The following KCNIP1 variants were observed in gnomAD, a reference collection of about 807,000 sequenced individuals.
KCNIP1 encodes potassium voltage-gated channel interacting protein 1, also known as A-type potassium channel modulatory protein KCNIP1.
Under a neutral mutation model 33.0 loss-of-function variants are expected in KCNIP1, and 18 were observed. The observed-to-expected ratio is 0.55, with a 90% CI of 0.38 to 0.81. The LOEUF (loss-of-function observed/expected upper bound fraction) is 0.81, where lower values mean the gene tolerates loss of function less well. KCNIP1 is among the 30% of genes least tolerant of loss of function. The probability of loss-of-function intolerance (pLI) is 0.00; values close to 1 mark genes in which losing one functional copy is unlikely to be tolerated. For missense variants in KCNIP1, 238 were observed against 271.6 expected, an observed-to-expected ratio of 0.88 and a Z score of 0.87; for synonymous variants, 93 against 98.3, an observed-to-expected ratio of 0.95 and a Z score of 0.32.
At chr5:170,462,772 T>C (rs1756534316) in intron 1 of KCNIP1, among the ~76,000 whole-genome samples, 1 of 152,124 alleles carries the variant, frequency 6.6e-6, no homozygotes, top group Non-Finnish European at 1.5e-5. Flanking sequence ...TATATATAAA[T>C]GGAATACTAC....
intron 1 of KCNIP1, among the ~76,000 whole-genome samples, chr5:170,459,093 A>C (rs1313910305): frequency 6.6e-6 from 1 of 152,208 alleles, no homozygotes; most frequent in Non-Finnish European, 1.5e-5. Context: ...AAAAAAGACA[A>C]AGAGGGACAT....
chr5:170,592,878 A>G (rs766985444), intron 1 of KCNIP1, among the ~76,000 whole-genome samples: 4 of 152,120 alleles, frequency 2.6e-5, no homozygotes, highest in Non-Finnish European at 5.9e-5. Context: ...CCATGCTTAT[A>G]AGCTCCGGAC....
At chr5:170,648,163 C>T (rs1760869138) in intron 1 of KCNIP1, among the ~76,000 whole-genome samples, 1 of 152,182 alleles carries the variant, frequency 6.6e-6, no homozygotes, top group Non-Finnish European at 1.5e-5. Context: ...CAGGAACTCT[C>T]ATCAGTGCTT....
At chr5:170,557,655 A>T (rs1756886571) in intron 1 of KCNIP1, among the ~76,000 whole-genome samples, 2 of 152,190 alleles carry the variant, frequency 1.3e-5, no homozygotes, top group Admixed American at 6.5e-5. Flanking sequence ...CATGACCATC[A>T]GGGAAGAGCA....
rs1160503704 is a variant in KCNIP1, at chr5:170,640,106, T to C, written c.62-78652T>C. Reference sequence around the variant, plus strand: ...AGTGGCAGTGGCTTCCAGAGAGACTTAGGAAGTAGAATCAACAGGACTTGG... The same window carrying C: ...AGTGGCAGTGGCTTCCAGAGAGACTCAGGAAGTAGAATCAACAGGACTTGG... On this transcript the variant is annotated intron_variant, in intron 1 of 7. Coordinates refer to ENST00000328939, the MANE Select transcript of KCNIP1 (RefSeq NM_014592.4). Among the ~76,000 whole-genome samples the C allele has an allele frequency of 2.0e-5, 3 of 152,204 alleles. No homozygotes were observed. The East Asian group carries it at 5.8e-4, about 29-fold the overall frequency.
At chr5:170,460,470 A>G (rs958424962) in intron 1 of KCNIP1, among the ~76,000 whole-genome samples, 14 of 152,222 alleles carry the variant, frequency 9.2e-5, no homozygotes, top group African/African-American at 2.9e-4. Flanking sequence ...ATCCAACAAC[A>G]TATCAAAAAG....
chr5:170,508,804 G>T (rs1754817091), intron 1 of KCNIP1, among the ~76,000 whole-genome samples: 1 of 152,108 alleles, frequency 6.6e-6, no homozygotes, highest in Non-Finnish European at 1.5e-5. Flanking sequence ...CCAAGCCCCA[G>T]AGAGAAGTGA....
intron 5 of KCNIP1, among the ~76,000 whole-genome samples, chr5:170,730,839 TAA>T (rs34072627): frequency 0.024 from 3,501 of 146,392 alleles, 55 homozygotes; most frequent in South Asian, 0.037. Flanking sequence ...TAAAAGTGCT[TAA>T]AAAAAAAAAA....
chr5:170,385,005 C>A (rs1764407111), intron 1 of KCNIP1, among the ~76,000 whole-genome samples: 3 of 152,218 alleles, frequency 2.0e-5, no homozygotes, highest in African/African-American at 7.2e-5. Flanking sequence ...CTCCTGGGAT[C>A]AAACTTGCAC....
intron 1 of KCNIP1, among the ~76,000 whole-genome samples, chr5:170,493,196 A>C (rs558719919): frequency 1.3e-5 from 2 of 152,068 alleles, no homozygotes; most frequent in Admixed American, 6.6e-5. Flanking sequence ...ACCAAATGCG[A>C]GCTCCCCCAT....
chr5:170,668,420 G>A (rs1262482558), intron 1 of KCNIP1, among the ~76,000 whole-genome samples: 1 of 152,210 alleles, frequency 6.6e-6, no homozygotes, highest in Non-Finnish European at 1.5e-5. Context: ...TATGACACAG[G>A]ACAGGTGGCT....
upstream of KCNIP1, among the ~76,000 whole-genome samples, chr5:170,503,499 C>T (rs909040972): frequency 1.5e-4 from 23 of 152,006 alleles, no homozygotes; most frequent in African/African-American, 5.6e-4. Context: ...TGGGCCCTGC[C>T]ATAGGAGGAT....
At chr5:170,722,580 C>A in intron 4 of KCNIP1, 133 bp from the exon 5 acceptor site, 1 of 708,992 alleles carries the variant, frequency 1.4e-6, no homozygotes, top group East Asian at 2.8e-5. Flanking sequence ...AGAGCATAGC[C>A]ACATCCTCCA....
chr5:170,410,276 T>C (rs1755148894), intron 1 of KCNIP1, among the ~76,000 whole-genome samples: 1 of 111,310 alleles, frequency 9.0e-6, no homozygotes, highest in Non-Finnish European at 1.9e-5. Flanking sequence ...GCAGACACAG[T>C]GAAGGTGTAC....
At chr5:170,583,896 T>C (rs1455532219) in intron 1 of KCNIP1, among the ~76,000 whole-genome samples, 1 of 152,230 alleles carries the variant, frequency 6.6e-6, no homozygotes, top group Non-Finnish European at 1.5e-5. Flanking sequence ...ATGGGGTTCA[T>C]GTGATACTTT....
At chr5:170,624,076 C>G (rs1051121107) in intron 1 of KCNIP1, among the ~76,000 whole-genome samples, 1 of 152,358 alleles carries the variant, frequency 6.6e-6, no homozygotes, top group East Asian at 1.9e-4. Context: ...TCTCAGCTCC[C>G]GGGCCCAGGT....
At chr5:170,524,799 G>C (rs1214524134) in intron 1 of KCNIP1, among the ~76,000 whole-genome samples, 1 of 152,172 alleles carries the variant, frequency 6.6e-6, no homozygotes, top group Non-Finnish European at 1.5e-5. Flanking sequence ...ACCCAGCCCA[G>C]TGTTCTTGGT....
rs529516562 is a variant in KCNIP1 at position 170,719,017 on chromosome 5, C to A, written c.186+135C>A. 7 of 1,148,194 alleles carry A rather than the reference C, an allele frequency of 6.1e-6. No homozygotes were observed. The East Asian group carries it at 1.4e-4, about 23-fold the overall frequency. 71.1% of individuals were successfully genotyped at this position (1,148,194 alleles called of 1,614,324 possible). Reference sequence around the variant, plus strand: ...AGGAAGGCCAGCTCTATAAAGGGGGCATGAGAGGGAGATCACCTGGCTAGA... The same window carrying A: ...AGGAAGGCCAGCTCTATAAAGGGGGAATGAGAGGGAGATCACCTGGCTAGA... On this transcript the variant is annotated intron_variant, in intron 2 of 7. Coordinates refer to ENST00000328939, the MANE Select transcript of KCNIP1 (RefSeq NM_014592.4).
At chr5:170,669,740 A>G (rs1761845413) in intron 1 of KCNIP1, 1 of 621,048 alleles carries the variant, frequency 1.6e-6, no homozygotes, top group South Asian at 7.2e-5. Flanking sequence ...AACACTAATG[A>G]GATGAGTGGA....
Sources: allele counts gnomAD v4.1 joint callset (sites outside exome capture counted in the v4.1 genomes callset), GRCh38; gene constraint gnomAD v4.1.1; transcripts MANE v1.5; gene names NCBI Gene and HGNC (gene_info 2026-07-23, HGNC 2026-07-21).